Variants in SMIM12 observed in about 807,000 individuals in gnomAD.
SMIM12 encodes the protein small integral membrane protein 12, also known as UPF0767 protein C1orf212.
Under a neutral mutation model 6.3 loss-of-function variants are expected in SMIM12, and 5 were observed. That is an observed-to-expected ratio of 0.80 (90% CI 0.42 to 1.68). The LOEUF is 1.68. Among genes scored for constraint, SMIM12 ranks in the 40% most tolerant of loss-of-function variants. The pLI is 0.02. For synonymous variants in SMIM12, 51 were observed against 48.0 expected, an observed-to-expected ratio of 1.06 and a Z score of -0.26; for missense variants, 103 against 121.4, an observed-to-expected ratio of 0.85 and a Z score of 0.71.
intron 1 of SMIM12, 80 bp from the exon 2 acceptor site, chr1:34,856,062 C>T: frequency 7.1e-7 from 1 of 1,402,528 alleles, no homozygotes; most frequent in South Asian, 1.5e-5. Flanking sequence ...GAGCTCTCCA[C>T]TTACCAGGCA....
rs57007747 is a variant in SMIM12, at chr1:34,852,157, GAAAGA to G, written c.*3537_*3541del. Reference sequence around the variant, plus strand: ...TCAGTGACAAAGTGCCCTTGGAAAGGAAAGAAAAGAATTTAAAAGGGGGCACAATC... The same window carrying G: ...TCAGTGACAAAGTGCCCTTGGAAAGGAAAGAATTTAAAAGGGGGCACAATC... On this transcript the variant is annotated 3_prime_UTR_variant, in exon 2 of 2. Transcript: ENST00000521580. Among the ~76,000 whole-genome samples the G allele has an allele frequency of 0.72, 108,683 of 151,320 alleles. 39,621 individuals are homozygous for G. Among genetic ancestry groups the G allele is most frequent in the East Asian group, 0.89 (4,556 of 5,130 alleles).
At position 34,851,896 on chromosome 1, in the gene SMIM12, A is replaced by G. The variant is rs1640941406; in HGVS notation, c.*3803T>C. Among the ~76,000 whole-genome samples the G allele has an allele frequency of 6.6e-6, 1 of 152,248 alleles. No individual in the cohort carries two copies. ...TGGAAGGCCAGTCAAAAAGAGGGTC[A>G]CATGCCTCCAAGGTGAATCAGCAAG... On this transcript the variant is annotated 3_prime_UTR_variant, in exon 2 of 2. Transcript: ENST00000521580.
In SMIM12 at chr1:34,850,730, G is replaced by A. The variant is rs544269149; in HGVS notation, c.*4969C>T. ...TTGCAGGGAAACCAAGGCCAGTAGA[G>A]GTGAAGCGGCATACCCCAGGTCATC... On this transcript the variant is annotated 3_prime_UTR_variant, in exon 2 of 2. Transcript: ENST00000521580. The A allele has an allele frequency of 6.6e-6, 1 of 152,304 alleles. No individual in the cohort carries two copies. The highest frequency in any genetic ancestry group is 2.1e-4 in the South Asian group (1 of 4,824). The allele number at this position is 152,304 out of a possible 1,614,324, so 9.4% of individuals were successfully genotyped here.
chr1:34,857,195 C>T (rs904251593), intron 1 of SMIM12: 2 of 141,284 alleles, frequency 1.4e-5, no homozygotes, highest in African/African-American at 2.7e-5. Context: ...CTCTGGATAC[C>T]GCAGAACCTG....
Position 34,855,227 on chromosome 1 carries a change from C to T in SMIM12, c.*472G>A, listed in dbSNP as rs557078780. 8.8e-6 allele frequency: 12 copies of T among 1,368,962 alleles called. No homozygotes were observed. The African/African-American group carries it at 1.5e-4, about 17-fold the overall frequency. The allele number at this position is 1,368,962 out of a possible 1,614,324, so 84.8% of individuals were successfully genotyped here. A position where few individuals can be genotyped will look rare whatever the true frequency, so the allele number is the denominator to read the frequency against. ...TGGGGGAATCCCATTCCTGAGCTGA[C>T]AAGACAGATTTCAGTAAGAATGAGC... On this transcript the variant is annotated 3_prime_UTR_variant, in exon 2 of 2. Transcript: ENST00000521580.
rs1163527347 is a variant in SMIM12 at position 34,851,060 on chromosome 1, C to G, written c.*4639G>C. 1 of 152,220 alleles carries G rather than the reference C, an allele frequency of 6.6e-6. No homozygotes were observed. Among genetic ancestry groups the G allele is most frequent in the Non-Finnish European group, 1.5e-5 (1 of 68,048 alleles). 9.4% of individuals were successfully genotyped at this position (152,220 alleles called of 1,614,324 possible). A position where few individuals can be genotyped will look rare whatever the true frequency, so the allele number is the denominator to read the frequency against. ...CTAGATCCCCACCTCACCAGGGTCACAAGGATACACACAACTATTGCAGGA... is the reference window on the plus strand; with the variant it reads ...CTAGATCCCCACCTCACCAGGGTCAGAAGGATACACACAACTATTGCAGGA... On this transcript the variant is annotated 3_prime_UTR_variant, in exon 2 of 2. Coordinates refer to ENST00000521580, the MANE Select transcript of SMIM12 (RefSeq NM_138428.6).
rs190601078 is a variant in SMIM12, at chr1:34,852,241, C to T, written c.*3458G>A. 8.5e-5 allele frequency among the ~76,000 whole-genome samples: 13 copies of T among 152,158 alleles called. No homozygotes were observed. The highest frequency in any genetic ancestry group is 2.6e-4 in the African/African-American group (11 of 41,538). ...TGGATTCCCAAAGATAGGGCTCTCT[C>T]GACCAGACACCAAGTGGAGGCCAAC... On this transcript the variant is annotated 3_prime_UTR_variant, in exon 2 of 2. Coordinates refer to ENST00000521580, the MANE Select transcript of SMIM12 (RefSeq NM_138428.6).
Position 34,858,480 on chromosome 1 carries a change from A to G in SMIM12, c.-6+1197T>C, listed in dbSNP as rs557936083. On this transcript the variant is annotated intron_variant, in intron 1 of 1. Transcript: ENST00000521580. ...AGCCTGGCATTTCATTACCTAGAAG[A>G]GCTTTCCTTTTCCCAAACTCTGAGA... 5.9e-5 allele frequency: 9 copies of G among 152,322 alleles called. No individual in the cohort carries two copies. The East Asian group carries it at 1.7e-3, about 29-fold the overall frequency. The allele number at this position is 152,322 out of a possible 1,614,324, so 9.4% of individuals were successfully genotyped here. A position where few individuals can be genotyped will look rare whatever the true frequency, so the allele number is the denominator to read the frequency against.
At chr1:34,856,165 C>A (rs1385307640) in intron 1 of SMIM12, among the ~76,000 whole-genome samples, 183 bp from the exon 2 acceptor site, 1 of 150,494 alleles carries the variant, frequency 6.6e-6, no homozygotes, top group African/African-American at 2.4e-5. Flanking sequence ...ACCGCACCCT[C>A]CACCTCCCAG....
chr1:34,859,128 A>G (rs1207518867), intron 1 of SMIM12: 2 of 152,284 alleles, frequency 1.3e-5, no homozygotes, highest in Non-Finnish European at 2.9e-5. Flanking sequence ...TCACAATGAA[A>G]GAGGCAAAAG....
At position 34,851,351 on chromosome 1, in the gene SMIM12, T is replaced by C. The variant is rs900325757; in HGVS notation, c.*4348A>G. 3 of 152,230 alleles carry C rather than the reference T, an allele frequency of 2.0e-5. No individual in the cohort carries two copies. Among genetic ancestry groups the C allele is most frequent in the Non-Finnish European group, 4.4e-5 (3 of 68,044 alleles). The allele number at this position is 152,230 out of a possible 1,614,324, so 9.4% of individuals were successfully genotyped here. A position where few individuals can be genotyped will look rare whatever the true frequency, so the allele number is the denominator to read the frequency against. On this transcript the variant is annotated 3_prime_UTR_variant, in exon 2 of 2. Transcript: ENST00000521580. Reference sequence around the variant, plus strand: ...TTGCCCAAGGTCATCCAGTTAATTGTTAAGGCAGTATTCATAACTCGAGCC... The same window carrying C: ...TTGCCCAAGGTCATCCAGTTAATTGCTAAGGCAGTATTCATAACTCGAGCC...
chr1:34,858,725 T>C (rs910423798), intron 1 of SMIM12: 1 of 152,244 alleles, frequency 6.6e-6, no homozygotes, highest in African/African-American at 2.4e-5. Context: ...ACATGCAGCA[T>C]AAAGTCTCTC....
Position 34,856,000 on chromosome 1 carries a change from G to T in SMIM12, c.-5-18C>A. ...CATGACATCTGCGGAAAAGCACAAGGCAGCATTAGAGAACCCAGCATCATC... is the reference window on the plus strand; with the variant it reads ...CATGACATCTGCGGAAAAGCACAAGTCAGCATTAGAGAACCCAGCATCATC... On this transcript the variant is annotated intron_variant, in intron 1 of 1. Coordinates refer to ENST00000521580, the MANE Select transcript of SMIM12 (RefSeq NM_138428.6). 1.3e-6 allele frequency: 2 copies of T among 1,528,710 alleles called. No individual in the cohort carries two copies. Among genetic ancestry groups the T allele is most frequent in the Admixed American group, 2.0e-5 (1 of 50,236 alleles). 94.7% of individuals were successfully genotyped at this position (1,528,710 alleles called of 1,614,324 possible).
In SMIM12 at chr1:34,855,812, G is replaced by A. The variant is rs764683292; in HGVS notation, c.166C>T (p.Arg56Cys). 8.4e-6 allele frequency: 13 copies of A among 1,553,026 alleles called. No individual in the cohort carries two copies. The highest frequency in any genetic ancestry group is 4.7e-5 in the South Asian group (4 of 84,330). Reference protein sequence around the residue: ...EKSISERREDRKLDELLGKDH... With the variant: ...EKSISERREDCKLDELLGKDH... ...TTGCCTAGAAGCTCATCCAGCTTGC[G>A]ATCCTCCCGGCGCTCTGAGATGCTC... The change falls in exon 2 of 2, where the codon CGC (arginine) becomes TGC (cysteine). Residue 56 changes from arginine (R) to cysteine (C), a missense_variant. Coordinates refer to ENST00000521580, the MANE Select transcript of SMIM12 (RefSeq NM_138428.6).
Position 34,851,677 on chromosome 1 carries a change from AG to A in SMIM12, c.*4021del, listed in dbSNP as rs905456502. On this transcript the variant is annotated 3_prime_UTR_variant, in exon 2 of 2. Transcript: ENST00000521580. ...CTTGTGCTAACACAGCAACAGGCAC[AG>A]GAAAGAGTCTAGAAAGAGTGGAAAA... 1 of 152,310 alleles carries A rather than the reference AG, an allele frequency of 6.6e-6. No individual in the cohort carries two copies. The highest frequency in any genetic ancestry group is 2.4e-5 in the African/African-American group (1 of 41,456). 9.4% of individuals were successfully genotyped at this position (152,310 alleles called of 1,614,324 possible).
Position 34,855,547 on chromosome 1 carries a change from TC to T in SMIM12, c.*151del, listed in dbSNP as rs1193121542. On this transcript the variant is annotated 3_prime_UTR_variant, in exon 2 of 2. Coordinates refer to ENST00000521580, the MANE Select transcript of SMIM12 (RefSeq NM_138428.6). ...GGCTGCTGCTGGGTCTGCCTGGCCA[TC>T]AAGGAGCAGCCAGTATTTGTGTGGC... 1.2e-6 allele frequency: 2 copies of T among 1,612,474 alleles called. No individual in the cohort carries two copies. The highest frequency in any genetic ancestry group is 2.7e-5 in the African/African-American group (2 of 74,894).
Position 34,855,058 on chromosome 1 carries a change from TACC to T in SMIM12, c.*638_*640del. The T allele has an allele frequency of 7.8e-7, 1 of 1,274,818 alleles. No individual in the cohort carries two copies. Among genetic ancestry groups the T allele is most frequent in the South Asian group, 1.4e-5 (1 of 72,328 alleles). 79.0% of individuals were successfully genotyped at this position (1,274,818 alleles called of 1,614,324 possible). A position where few individuals can be genotyped will look rare whatever the true frequency, so the allele number is the denominator to read the frequency against. ...AGATTCGATCATTATGGTTCTCAGA[TACC>T]ACTTTAATCAGGTTTTTCACTATAC... On this transcript the variant is annotated 3_prime_UTR_variant, in exon 2 of 2. Coordinates refer to ENST00000521580, the MANE Select transcript of SMIM12 (RefSeq NM_138428.6).
intron 1 of SMIM12, among the ~76,000 whole-genome samples, chr1:34,856,313 G>A (rs939874676): frequency 1.3e-5 from 2 of 151,692 alleles, no homozygotes; most frequent in African/African-American, 4.8e-5. Context: ...ACCCACCTCA[G>A]CCTCCCAAAG....
rs1640941866 is a variant in SMIM12, at chr1:34,851,917, G to A, written c.*3782C>T. Among the ~76,000 whole-genome samples the A allele has an allele frequency of 6.6e-6, 1 of 152,228 alleles. No individual in the cohort carries two copies. Among genetic ancestry groups the A allele is most frequent in the Non-Finnish European group, 1.5e-5 (1 of 68,050 alleles). On this transcript the variant is annotated 3_prime_UTR_variant, in exon 2 of 2. Transcript: ENST00000521580. ...GGTCACATGCCTCCAAGGTGAATCAGCAAGCATGGAAGAAAACCGGTCTGC... is the reference window on the plus strand; with the variant it reads ...GGTCACATGCCTCCAAGGTGAATCAACAAGCATGGAAGAAAACCGGTCTGC...
Sources: gnomAD v4.1 joint callset for allele counts (sites outside exome capture counted in the v4.1 genomes callset) on GRCh38, gnomAD v4.1.1 for gene constraint, MANE v1.5 for transcripts, NCBI Gene and HGNC (gene_info 2026-07-23, HGNC 2026-07-21) for gene names.